The following TBC1D22A variants were observed in gnomAD, a reference collection of about 807,000 sequenced individuals.
TBC1D22A encodes the protein putative GTPase activator.
In TBC1D22A, 38 loss-of-function variants were observed where a neutral mutation model predicts 60.2. The ratio of observed to expected loss-of-function variants is 0.63; its 90% CI spans 0.49 to 0.83. The LOEUF (loss-of-function observed/expected upper bound fraction) is 0.83. TBC1D22A is among the 40% of genes least tolerant of loss of function. The probability of loss-of-function intolerance (pLI) is 0.00; values close to 1 mark genes in which losing one functional copy is unlikely to be tolerated. For missense variants in TBC1D22A, 628 were observed against 701.0 expected, an observed-to-expected ratio of 0.90 and a Z score of 1.18; for synonymous variants, 302 against 281.7, an observed-to-expected ratio of 1.07 and a Z score of -0.72.
intron 12 of TBC1D22A, among the ~76,000 whole-genome samples, chr22:47,139,751 C>T (rs1167753894): frequency 1.3e-5 from 2 of 152,232 alleles, no homozygotes; most frequent in African/African-American, 2.4e-5. Flanking sequence ...GAGCTGCGCT[C>T]GCTAAGACCC....
intron 4 of TBC1D22A, among the ~76,000 whole-genome samples, chr22:46,803,550 G>A (rs2084994870): frequency 6.6e-6 from 1 of 152,234 alleles, no homozygotes; most frequent in African/African-American, 2.4e-5. Flanking sequence ...GCCAGGTGCT[G>A]TCTTTGCAGC....
At chr22:46,917,004 T>C (rs903559723) in intron 8 of TBC1D22A, among the ~76,000 whole-genome samples, 1 of 152,198 alleles carries the variant, frequency 6.6e-6, no homozygotes, top group Non-Finnish European at 1.5e-5. Context: ...GAAGCTTGAA[T>C]GTGCCCATTC....
At chr22:46,882,129 C>G (rs1695139763) in intron 5 of TBC1D22A, among the ~76,000 whole-genome samples, 1 of 152,172 alleles carries the variant, frequency 6.6e-6, no homozygotes, top group Admixed American at 6.5e-5. Flanking sequence ...CCATTCAACT[C>G]TCCTGGGAGC....
intron 8 of TBC1D22A, 63 bp from the exon 9 acceptor site, chr22:46,974,227 C>G: frequency 7.0e-7 from 1 of 1,419,878 alleles, no homozygotes; most frequent in Non-Finnish European, 9.7e-7. Flanking sequence ...CGTGGGCCCC[C>G]TCGTGGGTCG....
At chr22:46,832,030 G>A (rs146372825) in intron 4 of TBC1D22A, among the ~76,000 whole-genome samples, 3 of 152,300 alleles carry the variant, frequency 2.0e-5, no homozygotes, top group African/African-American at 7.2e-5. Context: ...TTTTAGGGAG[G>A]CAAGTCAGTA....
chr22:46,870,859 T>G (rs2067263519), intron 4 of TBC1D22A, among the ~76,000 whole-genome samples: 1 of 152,180 alleles, frequency 6.6e-6, no homozygotes, highest in Admixed American at 6.5e-5. Flanking sequence ...GGTGGATTAC[T>G]CATGACCTAA....
In TBC1D22A at chr22:46,982,845, C is replaced by T. The variant is rs146894656; in HGVS notation, c.1125+8446C>T. 5.3e-4 allele frequency among the ~76,000 whole-genome samples: 81 copies of T among 152,304 alleles called. 1 individual carries two copies. The East Asian group carries it at 0.015, about 28-fold the overall frequency. On this transcript the variant is annotated intron_variant, in intron 9 of 12. Coordinates refer to ENST00000337137, the MANE Select transcript of TBC1D22A (RefSeq NM_014346.5). The stretch of plus-strand genomic sequence containing the variant: ...TGTAGACCTTGTTGGCCATGCAGAG[C>T]AAGTGCCCAGTGTGGAGCGGTGGCA...
chr22:46,855,750 G>A (rs185561235), intron 4 of TBC1D22A, among the ~76,000 whole-genome samples: 225 of 152,298 alleles, frequency 1.5e-3, no homozygotes, highest in African/African-American at 5.3e-3. Context: ...GGGGTTGATG[G>A]TCAGTTCTTG....
intron 4 of TBC1D22A, among the ~76,000 whole-genome samples, chr22:46,874,741 T>G (rs2067466938): frequency 6.6e-6 from 1 of 151,892 alleles, no homozygotes; most frequent in Admixed American, 6.6e-5. Flanking sequence ...GCCTGGCTAA[T>G]TTTTCTATTT....
rs145155511 is a variant in TBC1D22A, at chr22:46,944,956, A to G, written c.1016-29334A>G. ...TTTTAAGATAGATAATTAAATATGT[A>G]TAGATTATCTCAATTTCTGTCATCT... is the stretch of plus-strand genomic sequence containing the variant. On this transcript the variant is annotated intron_variant, in intron 8 of 12. Transcript: ENST00000337137. Among the ~76,000 whole-genome samples, 424 of 152,354 alleles carry G rather than the reference A, an allele frequency of 2.8e-3. 1 individual carries two copies. The highest frequency in any genetic ancestry group is 0.017 in the Middle Eastern group (5 of 294).
intron 12 of TBC1D22A, among the ~76,000 whole-genome samples, chr22:47,170,674 A>G (rs1475680536): frequency 8.0e-5 from 12 of 150,142 alleles, no homozygotes; most frequent in Admixed American, 3.3e-4. Context: ...CTCCTGATGC[A>G]GGACCAGAGA....
At chr22:46,922,449 T>C (rs1288242950) in intron 8 of TBC1D22A, among the ~76,000 whole-genome samples, 1 of 152,236 alleles carries the variant, frequency 6.6e-6, no homozygotes. Flanking sequence ...TAGTTTTTTT[T>C]CCTAATTCTG....
chr22:46,869,882 CTTATAA>C (rs945239802), intron 4 of TBC1D22A, among the ~76,000 whole-genome samples: 38 of 152,182 alleles, frequency 2.5e-4, no homozygotes, highest in African/African-American at 8.2e-4. Flanking sequence ...AAAAAAGGTT[CTTATAA>C]TTAGGAGTTC....
chr22:47,156,590 G>T (rs1020208841), intron 12 of TBC1D22A, among the ~76,000 whole-genome samples: 1 of 152,134 alleles, frequency 6.6e-6, no homozygotes, highest in African/African-American at 2.4e-5. Flanking sequence ...CCAGAAGAGG[G>T]ACCTGGGGCA....
chr22:46,853,447 A>T (rs192162484), intron 4 of TBC1D22A, among the ~76,000 whole-genome samples: 3 of 152,304 alleles, frequency 2.0e-5, no homozygotes, highest in East Asian at 1.9e-4. Flanking sequence ...GGTAGGCCCC[A>T]CGCCTGGCTC....
At chr22:47,102,472 G>T (rs1462398383) in intron 11 of TBC1D22A, among the ~76,000 whole-genome samples, 3 of 152,280 alleles carry the variant, frequency 2.0e-5, no homozygotes, top group Non-Finnish European at 4.4e-5. Context: ...ACGCCTCCCT[G>T]TTTTCCCACT....
At chr22:46,776,246 C>T (rs2083698455) in intron 1 of TBC1D22A, among the ~76,000 whole-genome samples, 1 of 152,210 alleles carries the variant, frequency 6.6e-6, no homozygotes, top group Non-Finnish European at 1.5e-5. Context: ...GTGGCTTGAA[C>T]ACAGCCTGAG....
At chr22:47,165,439 C>T (rs2068166728) in intron 12 of TBC1D22A, among the ~76,000 whole-genome samples, 1 of 152,176 alleles carries the variant, frequency 6.6e-6, no homozygotes, top group Non-Finnish European at 1.5e-5. Flanking sequence ...GGGTGGCTCC[C>T]CTCGCCATCG....
At chr22:46,856,642 G>T (rs1327892653) in intron 4 of TBC1D22A, among the ~76,000 whole-genome samples, 2 of 152,170 alleles carry the variant, frequency 1.3e-5, no homozygotes, top group Non-Finnish European at 2.9e-5. Context: ...GAGTGGGGGT[G>T]GGGGCTGGTA....
Sources: gnomAD v4.1 joint callset for allele counts (sites outside exome capture counted in the v4.1 genomes callset) on GRCh38, gnomAD v4.1.1 for gene constraint, MANE v1.5 for transcripts, NCBI Gene and HGNC (gene_info 2026-07-23, HGNC 2026-07-21) for gene names.